PCDHGA3: variants seen among roughly 807,000 people sequenced by gnomAD.
PCDHGA3 encodes protocadherin gamma subfamily A, 3.
A neutral mutation model predicts 58.5 loss-of-function variants in PCDHGA3; 40 were observed. The ratio of observed to expected loss-of-function variants is 0.68; its 90% CI spans 0.53 to 0.89. The LOEUF (loss-of-function observed/expected upper bound fraction) is 0.89. PCDHGA3 is among the 40% of genes least tolerant of loss of function. The probability of loss-of-function intolerance (pLI) is 0.00; values close to 1 mark genes in which losing one functional copy is unlikely to be tolerated. For missense variants in PCDHGA3, 1,223 were observed against 1,195.9 expected, an observed-to-expected ratio of 1.02 and a Z score of -0.33; for synonymous variants, 530 against 525.7, an observed-to-expected ratio of 1.01 and a Z score of -0.11.
At chr5:141,445,020 C>T (rs2098454249) in intron 1 of PCDHGA3, among the ~76,000 whole-genome samples, 1 of 152,130 alleles carries the variant, frequency 6.6e-6, no homozygotes, top group Non-Finnish European at 1.5e-5. Flanking sequence ...TTTAATTTCT[C>T]TCAGCTATGT....
chr5:141,393,614 C>T (rs971778718), intron 1 of PCDHGA3: 2 of 1,613,778 alleles, frequency 1.2e-6, no homozygotes, highest in Non-Finnish European at 1.7e-6. Flanking sequence ...TAACAGCCAG[C>T]GACCCGGATG....
rs373728953 is a variant in PCDHGA3 at position 141,491,753 on chromosome 5, C to A, written c.2425-3054C>A. The A allele has an allele frequency of 6.3e-7, 1 of 1,585,146 alleles. No homozygotes were observed. The highest frequency in any genetic ancestry group is 8.6e-7 in the Non-Finnish European group (1 of 1,166,912). On this transcript the variant is annotated intron_variant, in intron 1 of 3. Transcript: ENST00000253812. This position sits in a 1 kb window ranked among gnomAD's most constrained non-coding sequence, Gnocchi z 6.9. The stretch of plus-strand genomic sequence containing the variant: ...ACCCCTGGGGGCGGCACTGGAGAAG[C>A]CGCCCGTCCTCATAAGGGATTGAAC...
In PCDHGA3 at chr5:141,487,161, T is replaced by G; in HGVS notation, c.2425-7646T>G. ...CTCTCTACCTCTGTTACTCTCTTAGTGTCCTTAGAGGAAGACACTCATCCA... is the reference window on the plus strand; with the variant it reads ...CTCTCTACCTCTGTTACTCTCTTAGGGTCCTTAGAGGAAGACACTCATCCA... On this transcript the variant is annotated intron_variant, in intron 1 of 3. Transcript: ENST00000253812. The surrounding 1 kb of genome is among the most constrained non-coding windows in gnomAD (Gnocchi z 5.0). The G allele has an allele frequency of 6.2e-7, 1 of 1,613,528 alleles. No individual in the cohort carries two copies. The highest frequency in any genetic ancestry group is 1.1e-5 in the South Asian group (1 of 91,072).
At chr5:141,393,430 C>G in intron 1 of PCDHGA3, 1 of 1,614,040 alleles carries the variant, frequency 6.2e-7, no homozygotes, top group Non-Finnish European at 8.5e-7. Context: ...GAGGAAGAGG[C>G]TGCTCACCAC....
chr5:141,359,700 A>T (rs1336602440), intron 1 of PCDHGA3, among the ~76,000 whole-genome samples: 1 of 152,144 alleles, frequency 6.6e-6, no homozygotes, highest in Non-Finnish European at 1.5e-5. Flanking sequence ...CTCCGGAAGG[A>T]TACCTAAGAA....
intron 1 of PCDHGA3, chr5:141,405,186 G>A (rs762537440): frequency 6.2e-6 from 10 of 1,612,892 alleles, no homozygotes; most frequent in Non-Finnish European, 8.5e-6. Context: ...GGTGTAGATG[G>A]GGTTCGAGCT....
intron 1 of PCDHGA3, among the ~76,000 whole-genome samples, chr5:141,425,918 C>T (rs901485843): frequency 1.1e-4 from 16 of 152,200 alleles, no homozygotes; most frequent in Admixed American, 2.0e-4. Flanking sequence ...ACAGTCACTA[C>T]GAAAACTCAT....
chr5:141,389,827 G>A lies in PCDHGA3; in HGVS notation c.2424+43370G>A, dbSNP rs754189855. ...CTTCTGGTCGCCGTGCGTGACGGTG[G>A]ACAGCCACCACTCTCGGCCACTGCC... On this transcript the variant is annotated intron_variant, in intron 1 of 3. Transcript: ENST00000253812. The A allele has an allele frequency of 1.4e-5, 22 of 1,613,838 alleles. No individual in the cohort carries two copies. The African/African-American group carries it at 2.7e-4, about 20-fold the overall frequency.
intron 1 of PCDHGA3, chr5:141,397,927 G>C: frequency 1.3e-6 from 1 of 764,054 alleles, no homozygotes. Flanking sequence ...TCCTCGCGCA[G>C]CCGCAGCGCG....
intron 1 of PCDHGA3, chr5:141,379,485 T>TA (rs755973263): frequency 2.0e-5 from 3 of 152,260 alleles, no homozygotes; most frequent in Non-Finnish European, 4.4e-5. Flanking sequence ...TATTTTACTA[T>TA]ACTACCAATT....
chr5:141,371,018 C>G, intron 1 of PCDHGA3: 1 of 1,613,994 alleles, frequency 6.2e-7, no homozygotes, highest in Non-Finnish European at 8.5e-7. Flanking sequence ...AGCCACATCA[C>G]CACCTGGTCC....
chr5:141,350,470 T>C, intron 1 of PCDHGA3: 1 of 1,613,972 alleles, frequency 6.2e-7, no homozygotes, highest in East Asian at 2.2e-5. Context: ...GTGCAGAGGA[T>C]TATTTCAACG....
chr5:141,409,443 A>C (rs1276603306), intron 1 of PCDHGA3: 1 of 1,614,014 alleles, frequency 6.2e-7, no homozygotes, highest in East Asian at 2.2e-5. Context: ...GACCGAGAGC[A>C]GACACCAGAA....
In PCDHGA3 at chr5:141,477,005, T is replaced by C; in HGVS notation, c.2425-17802T>C. The C allele has an allele frequency of 1.2e-6, 2 of 1,614,240 alleles. No individual in the cohort carries two copies. Among genetic ancestry groups the C allele is most frequent in the Non-Finnish European group, 1.7e-6 (2 of 1,180,040 alleles). Reference sequence around the variant, plus strand: ...CGCCGGCGTGCGGCAACTATTCGCCTTAGACCTTGTAACCGGGATGCTGAC... The same window carrying C: ...CGCCGGCGTGCGGCAACTATTCGCCCTAGACCTTGTAACCGGGATGCTGAC... On this transcript the variant is annotated intron_variant, in intron 1 of 3. Transcript: ENST00000253812. The surrounding 1 kb of genome is among the most constrained non-coding windows in gnomAD (Gnocchi z 4.9).
chr5:141,492,303 G>A (rs969991314), intron 1 of PCDHGA3, among the ~76,000 whole-genome samples: 1 of 152,202 alleles, frequency 6.6e-6, no homozygotes, highest in African/African-American at 2.4e-5. Context: ...GCGGACGCAC[G>A]CACGCACTCC....
chr5:141,406,555 A>G (rs2094824314), intron 1 of PCDHGA3, among the ~76,000 whole-genome samples: 1 of 152,224 alleles, frequency 6.6e-6, no homozygotes. Context: ...TCAGTTATCC[A>G]CTTCCAAACC....
chr5:141,353,842 T>C (rs1435431790), intron 1 of PCDHGA3, among the ~76,000 whole-genome samples: 1 of 152,240 alleles, frequency 6.6e-6, no homozygotes. Flanking sequence ...TCTTTGAGGA[T>C]TGTGAAAAAC....
chr5:141,500,499 G>T lies in PCDHGA3; in HGVS notation c.2484-4894G>T, dbSNP rs531501031. On this transcript the variant is annotated intron_variant, in intron 2 of 3. Transcript: ENST00000253812. ...GCTGGGATTACAGGCGTGAGCCACC[G>T]CGCCTGGCCGAGCTTCATTTTAAAA... Among the ~76,000 whole-genome samples, 24 of 152,088 alleles carry T rather than the reference G, an allele frequency of 1.6e-4. 1 individual carries two copies. In the Middle Eastern group the frequency reaches 0.01, roughly 65 times the overall value.
At chr5:141,459,814 T>A (rs757306281) in intron 1 of PCDHGA3, among the ~76,000 whole-genome samples, 2 of 152,256 alleles carry the variant, frequency 1.3e-5, no homozygotes, top group African/African-American at 4.8e-5. Context: ...CTAGAGACAC[T>A]GAGCAACTTT....
Sources: allele counts gnomAD v4.1 joint callset (sites outside exome capture counted in the v4.1 genomes callset), GRCh38; gene constraint gnomAD v4.1.1; non-coding constraint Gnocchi (gnomAD v3.1); transcripts MANE v1.5; gene names NCBI Gene and HGNC (gene_info 2026-07-23, HGNC 2026-07-21).